Variants in WDR77 observed in about 807,000 individuals in gnomAD.
WDR77 encodes the protein methylosome protein WDR77.
In WDR77, 31 loss-of-function variants were observed where a neutral mutation model predicts 44.0. The ratio of observed to expected loss-of-function variants is 0.70; its 90% CI spans 0.53 to 0.95. WDR77 has a LOEUF of 0.95. Ranked by LOEUF, WDR77 falls within the 40% of genes least tolerant of loss-of-function variation. The pLI is 0.00. For synonymous variants in WDR77, 186 were observed against 165.7 expected, an observed-to-expected ratio of 1.12 and a Z score of -0.94; for missense variants, 390 against 423.9, an observed-to-expected ratio of 0.92 and a Z score of 0.70.
At chr1:111,445,220 A>C (rs1414289702) in intron 4 of WDR77, among the ~76,000 whole-genome samples, 1 of 152,210 alleles carries the variant, frequency 6.6e-6, no homozygotes, top group Non-Finnish European at 1.5e-5. Context: ...GTTAATTAGA[A>C]GCTGTGGAAA....
chr1:111,447,555 A>G lies in WDR77; in HGVS notation c.323T>C (p.Leu108Pro). ...SDSGAVELWE[L>P]DENETLIVSK... is the part of the protein sequence containing the mutation. ...GACAATAAGTGTCTCATTCTCATCT[A>G]GTTCCCACAATTCAACAGCACCTGT... is the stretch of plus-strand genomic sequence containing the variant. The change falls in exon 3 of 10, where the codon CTA becomes CCA. Residue 108 changes from leucine (L) to proline (P), a missense_variant. Leu to Pro is a moderately conservative substitution (Grantham distance 98). Coordinates refer to ENST00000235090, the MANE Select transcript of WDR77 (RefSeq NM_024102.4). The G allele has an allele frequency of 6.2e-7, 1 of 1,614,242 alleles. No individual in the cohort carries two copies. The highest frequency in any genetic ancestry group is 1.7e-5 in the Admixed American group (1 of 60,030).
At position 111,442,041 on chromosome 1, in the gene WDR77, A is replaced by G; in HGVS notation, c.853T>C (p.Ser285Pro). 6.2e-7 allele frequency: 1 copy of G among 1,614,130 alleles called. No individual in the cohort carries two copies. Among genetic ancestry groups the G allele is most frequent in the Non-Finnish European group, 8.5e-7 (1 of 1,179,964 alleles). Reference sequence around the variant, plus strand: ...CACACTTACAACTCAGAAAGGCTTGAGTCCAGCACAGCAAGTGAGCAGTCT... The same window carrying G: ...CACACTTACAACTCAGAAAGGCTTGGGTCCAGCACAGCAAGTGAGCAGTCT... ...SEDCSLAVLDSSLSELFRSQA... is the reference protein window; with the variant it reads ...SEDCSLAVLDPSLSELFRSQA... The change falls in exon 9 of 10, where the codon TCA becomes CCA. Residue 285 changes from serine (S) to proline (P), a missense_variant. Ser to Pro is a moderately conservative substitution (Grantham distance 74). Coordinates refer to ENST00000235090, the MANE Select transcript of WDR77 (RefSeq NM_024102.4).
In WDR77 at chr1:111,449,207, C is replaced by G. The variant is rs760197399; in HGVS notation, c.-38G>C. 1.9e-6 allele frequency: 3 copies of G among 1,540,662 alleles called. No individual in the cohort carries two copies. In the South Asian group the frequency reaches 3.5e-5, roughly 18 times the overall value. On this transcript the variant is annotated 5_prime_UTR_variant, in exon 1 of 10. Coordinates refer to ENST00000235090, the MANE Select transcript of WDR77 (RefSeq NM_024102.4). ...AACTCCAACCTAGACTCAAACTGGACGCCGGCCGGAGACTCCGCTCCGGCA... is the reference window on the plus strand; with the variant it reads ...AACTCCAACCTAGACTCAAACTGGAGGCCGGCCGGAGACTCCGCTCCGGCA...
chr1:111,443,614 C>T (rs550445989), intron 6 of WDR77: 26 of 977,084 alleles, frequency 2.7e-5, no homozygotes, highest in African/African-American at 2.6e-4. Context: ...CGAATCATGA[C>T]GATAACAATT....
At chr1:111,445,662 C>T (rs571730868) in intron 4 of WDR77, among the ~76,000 whole-genome samples, 2 of 152,196 alleles carry the variant, frequency 1.3e-5, no homozygotes, top group African/African-American at 4.8e-5. Flanking sequence ...ACACAAAGAA[C>T]TAACAAAAAG....
At chr1:111,441,458 C>G (rs570349641) in intron 9 of WDR77, 69 bp from the exon 10 acceptor site, 1 of 1,411,672 alleles carries the variant, frequency 7.1e-7, no homozygotes, top group Non-Finnish European at 9.3e-7. Context: ...AAAAAGAGAA[C>G]CCAACACATC....
At chr1:111,446,954 G>A (rs1653060095) in intron 4 of WDR77, 141 bp downstream of exon 4, 1 of 801,358 alleles carries the variant, frequency 1.2e-6, no homozygotes, top group Non-Finnish European at 2.1e-6. Flanking sequence ...AAAAGGACAA[G>A]GAGTAGATAC....
Position 111,449,094 on chromosome 1 carries a change from A to T in WDR77, c.76T>A (p.Cys26Ser), listed in dbSNP as rs762747011. The part of the protein sequence containing the change: ...EWNLPPNAPA[C>S]MERQLEAARY... ...GCAGCCTCCAACTGCCGTTCCATGC[A>T]GGCGGGCGCATTTGGGGGAAGATTC... Residue 26 changes from cysteine (C) to serine (S), a missense_variant, in exon 1 of 10, where the codon TGC becomes AGC. Coordinates refer to ENST00000235090, the MANE Select transcript of WDR77 (RefSeq NM_024102.4). The T allele has an allele frequency of 6.3e-7, 1 of 1,599,268 alleles. No homozygotes were observed. The highest frequency in any genetic ancestry group is 1.1e-5 in the South Asian group (1 of 89,640).
In WDR77 at chr1:111,442,623, C is replaced by T. The variant is rs532957526; in HGVS notation, c.800+30G>A. 1.1e-5 allele frequency: 17 copies of T among 1,478,618 alleles called. No individual in the cohort carries two copies. In the South Asian group the frequency reaches 2.1e-4, roughly 18 times the overall value. The allele number at this position is 1,478,618 out of a possible 1,614,324, so 91.6% of individuals were successfully genotyped here. A position where few individuals can be genotyped will look rare whatever the true frequency, so the allele number is the denominator to read the frequency against. On this transcript the variant is annotated intron_variant, in intron 8 of 9. Transcript: ENST00000235090. ...CACCCTCACGGTTCCCATTTATACC[C>T]ATCAGGCCCCTGATGACAAAGAACA...
At position 111,440,796 on chromosome 1, in the gene WDR77, T is replaced by A. The variant is rs1160899107; in HGVS notation, c.*434A>T. The A allele has an allele frequency of 2.0e-5, 3 of 152,914 alleles. No individual in the cohort carries two copies. Among genetic ancestry groups the A allele is most frequent in the African/African-American group, 7.2e-5 (3 of 41,472 alleles). The allele number at this position is 152,914 out of a possible 1,614,324, so 9.5% of individuals were successfully genotyped here. The stretch of plus-strand genomic sequence containing the variant: ...CTATAAAAAAATAAAGTCAATCCCA[T>A]CTCTATGAGTAGCATAAGAGCTGCT... On this transcript the variant is annotated 3_prime_UTR_variant, in exon 10 of 10. Transcript: ENST00000235090.
chr1:111,446,176 T>C (rs1653022651), intron 4 of WDR77, among the ~76,000 whole-genome samples: 1 of 152,252 alleles, frequency 6.6e-6, no homozygotes, highest in African/African-American at 2.4e-5. Context: ...AACTTAGTCA[T>C]GTACTTTGAA....
intron 7 of WDR77, 81 bp from the exon 8 acceptor site, chr1:111,442,842 T>C: frequency 2.0e-6 from 2 of 987,036 alleles, no homozygotes; most frequent in Non-Finnish European, 2.8e-6. Context: ...TTCCTCGAGC[T>C]TGTAAAAGTT....
chr1:111,449,062 G>A lies in WDR77; in HGVS notation c.108C>T (p.Tyr36=). ...CMERQLEAAR[Y]RSDGALLLGA... ...CCCGGGATCTCGGCTCACCGGACCG[G>A]TACCGCGCAGCCTCCAACTGCCGTT... The change falls in exon 1 of 10, where the codon TAC becomes TAT. Residue 36 remains tyrosine, a synonymous_variant. Transcript: ENST00000235090. 1 of 1,590,804 alleles carries A rather than the reference G, an allele frequency of 6.3e-7. No homozygotes were observed. Among genetic ancestry groups the A allele is most frequent in the South Asian group, 1.1e-5 (1 of 87,752 alleles).
intron 4 of WDR77, among the ~76,000 whole-genome samples, chr1:111,444,560 C>A (rs1355558417): frequency 6.6e-6 from 1 of 152,118 alleles, no homozygotes; most frequent in Non-Finnish European, 1.5e-5. Context: ...TAAAATTGAA[C>A]TGCCTCTGTT....
At chr1:111,447,676 A>T in intron 2 of WDR77, 100 bp from the exon 3 acceptor site, 2 of 1,430,164 alleles carry the variant, frequency 1.4e-6, no homozygotes, top group Non-Finnish European at 1.9e-6. Context: ...TTAACAAAGT[A>T]AGTTAGTTAT....
chr1:111,442,210 C>T (rs1459655612), intron 8 of WDR77, 117 bp from the exon 9 acceptor site: 14 of 952,288 alleles, frequency 1.5e-5, no homozygotes, highest in Non-Finnish European at 2.3e-5. Flanking sequence ...CTGATTCCCA[C>T]TTTTGGCTAA....
intron 9 of WDR77, 37 bp downstream of exon 9, chr1:111,441,988 C>G: frequency 6.3e-7 from 1 of 1,599,144 alleles, no homozygotes; most frequent in Non-Finnish European, 8.6e-7. Flanking sequence ...CACTGCTCCC[C>G]TTCCCTGATT....
chr1:111,443,812 T>C, intron 6 of WDR77, 55 bp downstream of exon 6: 1 of 1,612,530 alleles, frequency 6.2e-7, no homozygotes. Context: ...CCAAAGACAG[T>C]CTCTTCTATC....
At position 111,448,756 on chromosome 1, in the gene WDR77, G is replaced by C; in HGVS notation, c.164C>G (p.Ala55Gly). The change falls in exon 2 of 10, where the codon GCC becomes GGC. Residue 55 changes from alanine (A) to glycine (G), a missense_variant. By Grantham distance (60) the Ala-to-Gly change is moderately conservative. Coordinates refer to ENST00000235090, the MANE Select transcript of WDR77 (RefSeq NM_024102.4). ...GTCCTTAAAAAGCCAGAGGGAGCCGGCCCAGCAGCGCCCACTCAGGCTGGA... is the reference window on the plus strand; with the variant it reads ...GTCCTTAAAAAGCCAGAGGGAGCCGCCCCAGCAGCGCCCACTCAGGCTGGA... Reference protein sequence around the residue: ...GASSLSGRCWAGSLWLFKDPC... With the variant: ...GASSLSGRCWGGSLWLFKDPC... 1.9e-6 allele frequency: 3 copies of C among 1,606,294 alleles called. No individual in the cohort carries two copies. The highest frequency in any genetic ancestry group is 2.6e-6 in the Non-Finnish European group (3 of 1,176,088).
Sources: gnomAD v4.1 joint callset for allele counts (sites outside exome capture counted in the v4.1 genomes callset) on GRCh38, gnomAD v4.1.1 for gene constraint, MANE v1.5 for transcripts, NCBI Gene and HGNC (gene_info 2026-07-23, HGNC 2026-07-21) for gene names.